The following PRKAA2 variants were observed in gnomAD, a reference collection of about 807,000 sequenced individuals.
PRKAA2 encodes the protein 5'-AMP-activated protein kinase catalytic subunit alpha-2.
PRKAA2 carries 40 observed loss-of-function variants against 56.3 expected under a neutral mutation model. The observed-to-expected ratio is 0.71, with a 90% CI of 0.55 to 0.92. The LOEUF (loss-of-function observed/expected upper bound fraction) is 0.92. PRKAA2 is among the 40% of genes least tolerant of loss of function. The pLI, the probability that PRKAA2 is intolerant of heterozygous loss-of-function variation, is 0.00. For missense variants in PRKAA2, 542 were observed against 686.9 expected, an observed-to-expected ratio of 0.79 and a Z score of 2.36; for synonymous variants, 214 against 234.2, an observed-to-expected ratio of 0.91 and a Z score of 0.79.
At chr1:56,694,508 A>G (rs928512268) in intron 5 of PRKAA2, among the ~76,000 whole-genome samples, 20 of 152,208 alleles carry the variant, frequency 1.3e-4, no homozygotes, top group Non-Finnish European at 2.2e-4. Context: ...GAAAGATACA[A>G]TAAAGGTGAT....
At chr1:56,683,534 A>G (rs1225265031) in intron 2 of PRKAA2, among the ~76,000 whole-genome samples, 1 of 152,194 alleles carries the variant, frequency 6.6e-6, no homozygotes, top group East Asian at 1.9e-4. Flanking sequence ...AGATGACACC[A>G]TTTAGGCACT....
intron 2 of PRKAA2, among the ~76,000 whole-genome samples, chr1:56,678,360 G>A (rs911650112): frequency 6.6e-6 from 1 of 152,164 alleles, no homozygotes; most frequent in Non-Finnish European, 1.5e-5. Flanking sequence ...GTGTAGCCTT[G>A]GACTGTCAGG....
chr1:56,660,075 C>T (rs1351865121), intron 1 of PRKAA2, among the ~76,000 whole-genome samples: 2 of 152,296 alleles, frequency 1.3e-5, no homozygotes, highest in African/African-American at 4.8e-5. Flanking sequence ...ATCATCATTA[C>T]ATCACTGTTT....
rs1314973343 is a variant in PRKAA2 at position 56,668,870 on chromosome 1, C to T, written c.95-5511C>T. 1.4e-4 allele frequency among the ~76,000 whole-genome samples: 22 copies of T among 152,082 alleles called. 1 individual carries two copies. Among genetic ancestry groups the T allele is most frequent in the Admixed American group, 1.4e-3 (22 of 15,254 alleles). On this transcript the variant is annotated intron_variant, in intron 1 of 8. Transcript: ENST00000371244. ...TGTGTAAAACGATTGTGTATTTATACCTGTATAACACAGCTATGTGAAGTT... is the reference window on the plus strand; with the variant it reads ...TGTGTAAAACGATTGTGTATTTATATCTGTATAACACAGCTATGTGAAGTT...
chr1:56,681,458 T>C (rs1644154661), intron 2 of PRKAA2, among the ~76,000 whole-genome samples: 1 of 152,202 alleles, frequency 6.6e-6, no homozygotes, highest in South Asian at 2.1e-4. Flanking sequence ...TGGTATTGCC[T>C]AGGTTTTCTT....
At chr1:56,681,217 T>G (rs1644152894) in intron 2 of PRKAA2, among the ~76,000 whole-genome samples, 1 of 152,236 alleles carries the variant, frequency 6.6e-6, no homozygotes, top group Non-Finnish European at 1.5e-5. Context: ...TGATTTTTTC[T>G]TGTACATTTG....
chr1:56,704,495 T>G lies in PRKAA2; in HGVS notation c.1293+20T>G, dbSNP rs542884625. 1 of 1,557,774 alleles carries G rather than the reference T, an allele frequency of 6.4e-7. No homozygotes were observed. Among genetic ancestry groups the G allele is most frequent in the African/African-American group, 1.4e-5 (1 of 73,350 alleles). ...TGGAAGGTAGGAAATTATAATGTAA[T>G]AAGATCATTTGTAGAAGCCATTTTT... On this transcript the variant is annotated intron_variant, in intron 7 of 8. Coordinates refer to ENST00000371244, the MANE Select transcript of PRKAA2 (RefSeq NM_006252.4).
In PRKAA2 at chr1:56,703,130, C is replaced by T. The variant is rs543732248; in HGVS notation, c.789-841C>T. Among the ~76,000 whole-genome samples the T allele has an allele frequency of 3.9e-5, 6 of 152,130 alleles. No homozygotes were observed. The South Asian group carries it at 6.2e-4, about 16-fold the overall frequency. ...CTAGGATAACAATAGTAACATCAAG[C>T]ACAAAGGCCCAGAAGTGTGAGAAAA... On this transcript the variant is annotated intron_variant, in intron 6 of 8. Coordinates refer to ENST00000371244, the MANE Select transcript of PRKAA2 (RefSeq NM_006252.4).
Position 56,691,479 on chromosome 1 carries a change from C to T in PRKAA2, c.322C>T (p.His108Tyr). Residue 108 changes from histidine (H) to tyrosine (Y), a missense_variant, in exon 3 of 9, where the codon CAT becomes TAT. By Grantham distance (83) the His-to-Tyr change is moderately conservative. Transcript: ENST00000371244. ...TGAATTATTTGACTACATCTGTAAG[C>T]ATGGACGGGTGAGTAACATACTATC... ...GGELFDYICKHGRVEEMEARR... is the reference protein window; with the variant it reads ...GGELFDYICKYGRVEEMEARR... 6.2e-7 allele frequency: 1 copy of T among 1,605,114 alleles called. No individual in the cohort carries two copies. Among genetic ancestry groups the T allele is most frequent in the East Asian group, 2.2e-5 (1 of 44,630 alleles).
intron 1 of PRKAA2, among the ~76,000 whole-genome samples, chr1:56,660,861 AT>A (rs1469123121): frequency 6.6e-6 from 1 of 152,194 alleles, no homozygotes; most frequent in Non-Finnish European, 1.5e-5. Context: ...TAAGTTGTAG[AT>A]AAAAAGGAAA....
At chr1:56,705,263 ATC>A (rs1046686368) in intron 7 of PRKAA2, among the ~76,000 whole-genome samples, 43 of 152,280 alleles carry the variant, frequency 2.8e-4, no homozygotes, top group African/African-American at 9.9e-4. Context: ...TAAAAAACAG[ATC>A]TCTCTGTTTT....
rs1383924463 is a variant in PRKAA2 at position 56,704,277 on chromosome 1, T to G, written c.1095T>G (p.Pro365=). ...SAMHIPPGLK[P]HPERMPPLIA... ...TGCATATTCCCCCAGGCCTGAAACC[T>G]CATCCAGAAAGGATGCCACCTCTTA... Residue 365 remains proline (P), a synonymous_variant, in exon 7 of 9, where the codon CCT becomes CCG. Transcript: ENST00000371244. 1.9e-6 allele frequency: 3 copies of G among 1,614,080 alleles called. No homozygotes were observed. In the South Asian group the frequency reaches 3.3e-5, roughly 18 times the overall value.
At position 56,670,679 on chromosome 1, in the gene PRKAA2, A is replaced by G. The variant is rs936286523; in HGVS notation, c.95-3702A>G. On this transcript the variant is annotated intron_variant, in intron 1 of 8. Transcript: ENST00000371244. ...CAACCAGCAGTGTAATGTAATTAGT[A>G]TAGCTACTTACTTGAGTAGGCCTTC... 6.6e-5 allele frequency among the ~76,000 whole-genome samples: 10 copies of G among 152,240 alleles called. No homozygotes were observed. In the East Asian group the frequency reaches 1.5e-3, roughly 23 times the overall value.
chr1:56,678,968 A>C (rs556922986), intron 2 of PRKAA2, among the ~76,000 whole-genome samples: 35 of 152,284 alleles, frequency 2.3e-4, no homozygotes, highest in Non-Finnish European at 2.9e-4. Context: ...TGCTGGGATT[A>C]CGGGCGTGAG....
At chr1:56,655,280 A>ATATATATATATTTT in intron 1 of PRKAA2, among the ~76,000 whole-genome samples, 35 of 93,648 alleles carry the variant, frequency 3.7e-4, no homozygotes, top group African/African-American at 1.5e-3. Flanking sequence ...ATATATATAT[A>ATATATATATATTTT]TTTTTTTTTT....
chr1:56,647,440 C>T (rs369746685), intron 1 of PRKAA2, among the ~76,000 whole-genome samples: 55 of 152,194 alleles, frequency 3.6e-4, no homozygotes, highest in African/African-American at 1.3e-3. Flanking sequence ...CTCATCAGAT[C>T]AATCAGTCCA....
chr1:56,690,962 A>G (rs1450119786), intron 2 of PRKAA2, among the ~76,000 whole-genome samples: 1 of 152,092 alleles, frequency 6.6e-6, no homozygotes, highest in African/African-American at 2.4e-5. Flanking sequence ...TCAATTCCCC[A>G]AAACATTGCC....
At position 56,694,036 on chromosome 1, in the gene PRKAA2, A is replaced by C. The variant is rs139216666; in HGVS notation, c.563+184A>C. On this transcript the variant is annotated intron_variant, in intron 5 of 8. Coordinates refer to ENST00000371244, the MANE Select transcript of PRKAA2 (RefSeq NM_006252.4). Reference sequence around the variant, plus strand: ...ATGTTAAACATTTCATTTAGATGTCATTATAAATATACTTACGAAGTTTTC... The same window carrying C: ...ATGTTAAACATTTCATTTAGATGTCCTTATAAATATACTTACGAAGTTTTC... 7.2e-4 allele frequency among the ~76,000 whole-genome samples: 110 copies of C among 152,340 alleles called. No individual in the cohort carries two copies. The East Asian group carries it at 0.012, about 17-fold the overall frequency.
intron 8 of PRKAA2, 53 bp downstream of exon 8, chr1:56,706,271 T>A (rs1433149882): frequency 3.2e-6 from 5 of 1,581,622 alleles, no homozygotes; most frequent in Non-Finnish European, 4.3e-6. Context: ...TGGCACTAGT[T>A]GACCAGATGT....
Sources: allele counts gnomAD v4.1 joint callset (sites outside exome capture counted in the v4.1 genomes callset), GRCh38; gene constraint gnomAD v4.1.1; transcripts MANE v1.5; gene names NCBI Gene and HGNC (gene_info 2026-07-23, HGNC 2026-07-21).